CDYL2: variants seen among roughly 807,000 people sequenced by gnomAD.
The protein encoded by CDYL2 is chromodomain Y like 2.
CDYL2 carries 23 observed loss-of-function variants against 49.4 expected under a neutral mutation model. The ratio of observed to expected loss-of-function variants is 0.47; its 90% CI spans 0.34 to 0.66. The LOEUF (loss-of-function observed/expected upper bound fraction) is 0.66, where lower values mean the gene tolerates loss of function less well. Among genes scored for constraint, CDYL2 ranks in the 30% least tolerant of loss-of-function variants. The probability of loss-of-function intolerance (pLI) is 0.01; values close to 1 mark genes in which losing one functional copy is unlikely to be tolerated. For synonymous variants in CDYL2, 360 were observed against 268.8 expected (o/e 1.34, Z -3.32); for missense variants, 678 against 656.4 (o/e 1.03, Z -0.36).
intron 1 of CDYL2, among the ~76,000 whole-genome samples, chr16:80,758,157 T>C (rs1201074927): frequency 6.6e-6 from 1 of 152,148 alleles, no homozygotes; most frequent in Admixed American, 6.5e-5. Flanking sequence ...TTCATATAAA[T>C]GGGAAGTAAA....
chr16:80,748,167 T>TAAC (rs1318732612), intron 1 of CDYL2, among the ~76,000 whole-genome samples: 2 of 132,786 alleles, frequency 1.5e-5, no homozygotes, highest in African/African-American at 5.7e-5. Flanking sequence ...ATAATAATAA[T>TAAC]ATAAAGAAAA....
At chr16:80,632,987 G>A in intron 3 of CDYL2, 32 bp downstream of exon 3, 1 of 1,594,800 alleles carries the variant, frequency 6.3e-7, no homozygotes, top group Middle Eastern at 1.8e-4. Context: ...CCACAGCCCA[G>A]CTTGCCCTTC....
chr16:80,798,725 C>T (rs1005949198), intron 1 of CDYL2, among the ~76,000 whole-genome samples: 1 of 152,088 alleles, frequency 6.6e-6, no homozygotes, highest in Non-Finnish European at 1.5e-5. Context: ...GGGATCAGTG[C>T]CCCTAATCCA....
chr16:80,616,516 A>T (rs1906833367), intron 4 of CDYL2, among the ~76,000 whole-genome samples: 1 of 152,106 alleles, frequency 6.6e-6, no homozygotes, highest in Non-Finnish European at 1.5e-5. Flanking sequence ...TTCTCCTGTG[A>T]CCCAGTTACC....
chr16:80,693,936 G>C (rs1274087203), intron 1 of CDYL2, among the ~76,000 whole-genome samples: 1 of 152,222 alleles, frequency 6.6e-6, no homozygotes, highest in African/African-American at 2.4e-5. Context: ...AAATACAAGA[G>C]ACAGGGAAAA....
At chr16:80,679,741 C>T (rs1299213495) in intron 2 of CDYL2, 1 of 456,138 alleles carries the variant, frequency 2.2e-6, no homozygotes, top group South Asian at 1.5e-5. Context: ...CACCACCTGG[C>T]AGGCACAACA....
chr16:80,632,952 A>G (rs997152743), intron 3 of CDYL2, 67 bp downstream of exon 3: 1 of 1,470,522 alleles, frequency 6.8e-7, no homozygotes. Context: ...GAGAAAGCCA[A>G]TATTCCATTC....
chr16:80,784,680 T>G (rs1026315193), intron 1 of CDYL2, among the ~76,000 whole-genome samples: 2 of 152,174 alleles, frequency 1.3e-5, no homozygotes, highest in African/African-American at 4.8e-5. Context: ...CACAAACACC[T>G]CTTATGCTCT....
intron 1 of CDYL2, among the ~76,000 whole-genome samples, chr16:80,739,528 C>A (rs7190322): frequency 0.031 from 4,740 of 152,208 alleles, 78 homozygotes; most frequent in East Asian, 0.08. Context: ...GACAAAAGAT[C>A]AGGAGCTAAG....
intron 1 of CDYL2, among the ~76,000 whole-genome samples, chr16:80,776,331 G>C (rs997922493): frequency 2.6e-5 from 4 of 151,998 alleles, no homozygotes; most frequent in African/African-American, 9.7e-5. Context: ...TGGTGAATCT[G>C]TTATAATCTA....
rs1195246027 is a variant in CDYL2, at chr16:80,610,261, A to G, written c.1219-2026T>C. On this transcript the variant is annotated intron_variant, in intron 5 of 6. Transcript: ENST00000570137. ...ATGGAACTGCAAAGGAAGACGAGGA[A>G]GAAATCCAGTGTAAAAGCACCTGCC... 3.3e-5 allele frequency among the ~76,000 whole-genome samples: 5 copies of G among 152,268 alleles called. No individual in the cohort carries two copies. The Middle Eastern group carries it at 0.01, about 313-fold the overall frequency.
intron 1 of CDYL2, among the ~76,000 whole-genome samples, chr16:80,765,809 G>A (rs1204705170): frequency 6.9e-6 from 1 of 144,912 alleles, no homozygotes; most frequent in African/African-American, 2.6e-5. Flanking sequence ...GGGAGGCTGA[G>A]GTGGGAGGAT....
At chr16:80,774,823 G>C (rs961646249) in intron 1 of CDYL2, among the ~76,000 whole-genome samples, 1 of 151,466 alleles carries the variant, frequency 6.6e-6, no homozygotes, top group Non-Finnish European at 1.5e-5. Context: ...AAAAAATAAA[G>C]GTAAGAGTAG....
intron 2 of CDYL2, among the ~76,000 whole-genome samples, chr16:80,641,764 G>C (rs1358215712): frequency 8.2e-5 from 9 of 109,364 alleles, no homozygotes; most frequent in African/African-American, 3.2e-4. Context: ...GGGGGAGGGG[G>C]GAGGGATAGC....
intron 1 of CDYL2, among the ~76,000 whole-genome samples, chr16:80,748,506 TAAAAAAA>T (rs538432449): frequency 0.015 from 278 of 19,062 alleles, no homozygotes; most frequent in South Asian, 0.027. Context: ...AAAACTCCAT[TAAAAAAA>T]AAAAAAAAAA....
intron 1 of CDYL2, among the ~76,000 whole-genome samples, chr16:80,719,416 G>C (rs547623726): frequency 2.6e-5 from 4 of 151,600 alleles, no homozygotes; most frequent in Non-Finnish European, 5.9e-5. Context: ...GCACAGGGTA[G>C]GGGCTTGACA....
chr16:80,612,123 G>A lies in CDYL2; in HGVS notation c.1218+503C>T, dbSNP rs1906625970. ...AGCTGAGTCATGGCCAATACCACAT[G>A]AGTGGAGGGGAAGACGCCCCTGCCG... On this transcript the variant is annotated intron_variant, in intron 5 of 6. Coordinates refer to ENST00000570137, the MANE Select transcript of CDYL2 (RefSeq NM_152342.4). The surrounding 1 kb of genome is among the most constrained non-coding windows in gnomAD (Gnocchi z 5.0). Among the ~76,000 whole-genome samples, 1 of 152,302 alleles carries A rather than the reference G, an allele frequency of 6.6e-6. No homozygotes were observed. The highest frequency in any genetic ancestry group is 2.4e-5 in the African/African-American group (1 of 41,568).
chr16:80,781,271 A>G (rs761719374), intron 1 of CDYL2, among the ~76,000 whole-genome samples: 3 of 152,260 alleles, frequency 2.0e-5, no homozygotes, highest in Admixed American at 6.5e-5. Flanking sequence ...CAAGATTCCT[A>G]TAACCCAACC....
chr16:80,799,585 A>G (rs78986825), intron 1 of CDYL2, among the ~76,000 whole-genome samples: 3,288 of 152,272 alleles, frequency 0.022, 129 homozygotes, highest in African/African-American at 0.075. Context: ...TGCCTCCAAT[A>G]CAAAGATCTT....
Sources: gnomAD v4.1 joint callset for allele counts (sites outside exome capture counted in the v4.1 genomes callset) on GRCh38, gnomAD v4.1.1 for gene constraint, Gnocchi (gnomAD v3.1) non-coding constraint, MANE v1.5 for transcripts, NCBI Gene and HGNC (gene_info 2026-07-23, HGNC 2026-07-21) for gene names.